Variants in ACOXL observed in about 807,000 individuals in gnomAD.
ACOXL encodes the protein acyl-CoA oxidase like.
ACOXL carries 70 observed loss-of-function variants against 71.9 expected under a neutral mutation model. The ratio of observed to expected loss-of-function variants is 0.97; its 90% CI spans 0.80 to 1.19. The LOEUF (loss-of-function observed/expected upper bound fraction) is 1.19. Among genes scored for constraint, ACOXL ranks in the 50% most tolerant of loss-of-function variants. ACOXL has a pLI of 0.00. For missense variants in ACOXL, 703 were observed against 736.3 expected, an observed-to-expected ratio of 0.95 and a Z score of 0.52; for synonymous variants, 253 against 281.6, an observed-to-expected ratio of 0.90 and a Z score of 1.02.
chr2:110,965,031 T>C (rs1462212783), intron 12 of ACOXL, among the ~76,000 whole-genome samples: 1 of 152,206 alleles, frequency 6.6e-6, no homozygotes, highest in Non-Finnish European at 1.5e-5. Context: ...TTTACTGCTA[T>C]GAGATCAACT....
At chr2:110,733,460 T>C (rs1313609080) in intron 1 of ACOXL, among the ~76,000 whole-genome samples, 1 of 152,138 alleles carries the variant, frequency 6.6e-6, no homozygotes, top group Non-Finnish European at 1.5e-5. Context: ...CATTCGTGTC[T>C]CCTGTGGGCT....
At chr2:110,891,689 T>C (rs1697943814) in intron 10 of ACOXL, among the ~76,000 whole-genome samples, 1 of 152,132 alleles carries the variant, frequency 6.6e-6, no homozygotes, top group African/African-American at 2.4e-5. Flanking sequence ...TAGAAATCAA[T>C]TTCAGCAATT....
At chr2:110,781,517 C>G (rs1034131401) in intron 2 of ACOXL, among the ~76,000 whole-genome samples, 1 of 152,008 alleles carries the variant, frequency 6.6e-6, no homozygotes, top group Non-Finnish European at 1.5e-5. Context: ...TGGCGCGCAC[C>G]TGTAATCCCA....
intron 9 of ACOXL, among the ~76,000 whole-genome samples, chr2:110,840,170 T>G (rs1008794638): frequency 6.6e-6 from 1 of 152,144 alleles, no homozygotes; most frequent in African/African-American, 2.4e-5. Flanking sequence ...TTTTGTATTT[T>G]AGTAGAAATG....
chr2:110,872,681 C>T (rs931326950), intron 10 of ACOXL, among the ~76,000 whole-genome samples: 3 of 152,230 alleles, frequency 2.0e-5, no homozygotes, highest in Admixed American at 6.5e-5. Context: ...GGCTGCAGGG[C>T]GTGGCCGGCC....
intron 10 of ACOXL, among the ~76,000 whole-genome samples, chr2:110,859,892 G>A (rs947555321): frequency 6.6e-5 from 10 of 152,132 alleles, no homozygotes; most frequent in African/African-American, 2.4e-4. Flanking sequence ...AAGAGAGGAG[G>A]CGGCTTCTAG....
chr2:111,076,257 C>T (rs1273528631), intron 16 of ACOXL, among the ~76,000 whole-genome samples: 1 of 152,044 alleles, frequency 6.6e-6, no homozygotes, highest in African/African-American at 2.4e-5. Flanking sequence ...CTGGTTTTTG[C>T]TTAGTATATT....
At chr2:110,772,021 G>C (rs900473097) in intron 2 of ACOXL, among the ~76,000 whole-genome samples, 1 of 152,190 alleles carries the variant, frequency 6.6e-6, no homozygotes, top group Non-Finnish European at 1.5e-5. Flanking sequence ...AGCTCAAGTT[G>C]ACTGAGTACA....
intron 12 of ACOXL, among the ~76,000 whole-genome samples, chr2:110,964,733 T>A (rs1389175231): frequency 6.6e-6 from 1 of 152,022 alleles, no homozygotes; most frequent in Non-Finnish European, 1.5e-5. Flanking sequence ...ACATGTGATG[T>A]TTTGTTACAT....
chr2:111,112,809 GA>G (rs2070084547), intron 17 of ACOXL: 1 of 152,250 alleles, frequency 6.6e-6, no homozygotes, highest in East Asian at 1.9e-4. Flanking sequence ...CCAATTTACT[GA>G]AGGAGAATCT....
At chr2:111,112,321 G>A (rs1314846613) in intron 17 of ACOXL, among the ~76,000 whole-genome samples, 3 of 152,210 alleles carry the variant, frequency 2.0e-5, no homozygotes, top group African/African-American at 7.2e-5. Flanking sequence ...CCCTGGAGGA[G>A]CCAGCCAGTG....
At chr2:111,035,661 T>C (rs28667600) in intron 15 of ACOXL, among the ~76,000 whole-genome samples, 185 of 152,364 alleles carry the variant, frequency 1.2e-3, no homozygotes, top group African/African-American at 4.1e-3. Flanking sequence ...GTTGTAATTA[T>C]AATTAGAATA....
intron 17 of ACOXL, chr2:111,112,812 G>A (rs570398457): frequency 6.6e-6 from 1 of 152,252 alleles, no homozygotes; most frequent in South Asian, 2.1e-4. Context: ...ATTTACTGAA[G>A]GAGAATCTGC....
chr2:110,810,304 T>C (rs1017313837), intron 9 of ACOXL, among the ~76,000 whole-genome samples: 1 of 152,250 alleles, frequency 6.6e-6, no homozygotes, highest in African/African-American at 2.4e-5. Context: ...CAGATTGATC[T>C]CATTTTGTAT....
intron 11 of ACOXL, among the ~76,000 whole-genome samples, chr2:110,925,517 A>G (rs776929691): frequency 4.6e-5 from 7 of 152,240 alleles, no homozygotes; most frequent in Non-Finnish European, 8.8e-5. Flanking sequence ...ATCAAGAACC[A>G]ATTTAGCCTC....
chr2:110,960,561 A>T (rs866471636), intron 12 of ACOXL, among the ~76,000 whole-genome samples: 1 of 150,618 alleles, frequency 6.6e-6, no homozygotes, highest in Non-Finnish European at 1.5e-5. Flanking sequence ...TCCTCCCTCC[A>T]TCCTTGTGAT....
chr2:111,060,403 C>T (rs1375810510), intron 16 of ACOXL, among the ~76,000 whole-genome samples: 2 of 152,138 alleles, frequency 1.3e-5, no homozygotes, highest in African/African-American at 2.4e-5. Flanking sequence ...CCTTCCCAAC[C>T]AGAGTGGGAT....
intron 7 of ACOXL, among the ~76,000 whole-genome samples, chr2:110,800,204 G>A (rs2105323130): frequency 6.6e-6 from 1 of 152,326 alleles, no homozygotes; most frequent in South Asian, 2.1e-4. Context: ...TCACCATGAA[G>A]GTCTGTGGCT....
In ACOXL at chr2:110,941,482, T is replaced by C. The variant is rs139104064; in HGVS notation, c.1059+7840T>C. Among the ~76,000 whole-genome samples the C allele has an allele frequency of 6.6e-3, 1,001 of 152,328 alleles. 10 individuals carry two copies. Among genetic ancestry groups the C allele is most frequent in the African/African-American group, 0.022 (926 of 41,578 alleles). The stretch of plus-strand genomic sequence containing the variant: ...CTCCATCTTTCAGGCTGCTGTTTGT[T>C]AGAAAAAAAATTATTTCTGGGGCTG... On this transcript the variant is annotated intron_variant, in intron 12 of 17. Transcript: ENST00000439055.
Sources: gnomAD v4.1 joint callset for allele counts (sites outside exome capture counted in the v4.1 genomes callset) on GRCh38, gnomAD v4.1.1 for gene constraint, MANE v1.5 for transcripts, NCBI Gene and HGNC (gene_info 2026-07-23, HGNC 2026-07-21) for gene names.